PTPRQ: variants seen among roughly 807,000 people sequenced by gnomAD.
The protein encoded by PTPRQ is phosphatidylinositol phosphatase PTPRQ.
PTPRQ carries 199 observed loss-of-function variants against 246.0 expected under a neutral mutation model. The observed-to-expected ratio is 0.81, with a 90% CI of 0.72 to 0.91. PTPRQ has a LOEUF of 0.91. Among genes scored for constraint, PTPRQ ranks in the 40% least tolerant of loss-of-function variants. The pLI, the probability that PTPRQ is intolerant of heterozygous loss-of-function variation, is 0.00. For synonymous variants in PTPRQ, 869 were observed against 853.2 expected (o/e 1.02, Z -0.32); for missense variants, 2,624 against 2,528.4 (o/e 1.04, Z -0.81).
intron 17 of PTPRQ, among the ~76,000 whole-genome samples, chr12:80,522,359 TCTC>T (rs1264691529): frequency 6.6e-6 from 1 of 152,132 alleles, no homozygotes; most frequent in Non-Finnish European, 1.5e-5. Flanking sequence ...TTTATTTCCT[TCTC>T]CTGCCTAATC....
In PTPRQ at chr12:80,678,983, T is replaced by C. The variant is rs1463524431; in HGVS notation, c.6863-3T>C. ...TCTTGTAACATGTTACTTTCTGTTA[T>C]AGGTGATGTTGAGCTTGAATGGGAA... On this transcript the variant is annotated splice_region_variant and splice_polypyrimidine_tract_variant and intron_variant, in intron 44 of 44. Coordinates refer to ENST00000644991, the MANE Select transcript of PTPRQ (RefSeq NM_001145026.2). 6 of 1,545,650 alleles carry C rather than the reference T, an allele frequency of 3.9e-6. No individual in the cohort carries two copies. Among genetic ancestry groups the C allele is most frequent in the Admixed American group, 2.0e-5 (1 of 50,070 alleles).
intron 25 of PTPRQ, among the ~76,000 whole-genome samples, chr12:80,580,652 C>T (rs957062078): frequency 2.0e-5 from 3 of 152,146 alleles, no homozygotes; most frequent in Non-Finnish European, 4.4e-5. Flanking sequence ...CAAGTTATAC[C>T]ATATATTTCA....
intron 14 of PTPRQ, among the ~76,000 whole-genome samples, chr12:80,497,456 A>G (rs1894665491): frequency 6.6e-6 from 1 of 152,084 alleles, no homozygotes; most frequent in South Asian, 2.1e-4. Flanking sequence ...CTGTAAATAC[A>G]GAAGCTTTAT....
chr12:80,588,464 C>T lies in PTPRQ; in HGVS notation c.4609+12C>T. 6.8e-7 allele frequency: 1 copy of T among 1,467,328 alleles called. No individual in the cohort carries two copies. Among genetic ancestry groups the T allele is most frequent in the Admixed American group, 2.6e-5 (1 of 38,146 alleles). 90.9% of individuals were successfully genotyped at this position (1,467,328 alleles called of 1,614,324 possible). On this transcript the variant is annotated intron_variant, in intron 26 of 44. Transcript: ENST00000644991. ...AACTCTGCCTGGCCGTGAGTATTGT[C>T]CTGACATGTACATACTGATTTCTGT... is the stretch of plus-strand genomic sequence containing the variant.
chr12:80,489,991 A>AAGTCTTGTGCC lies in PTPRQ; in HGVS notation c.1360-3283_1360-3282insGTCTTGTGCCA, dbSNP rs1565741447. Among the ~76,000 whole-genome samples the AAGTCTTGTGCC allele has an allele frequency of 2.6e-5, 4 of 151,824 alleles. No individual in the cohort carries two copies. The East Asian group carries it at 5.8e-4, about 22-fold the overall frequency. ...GTTTGTCACTGGTGAATGTAAGAAG[A>AAGTCTTGTGCC]AAGTCTTGTGCTAAGGGCTTGGCTG... On this transcript the variant is annotated intron_variant, in intron 9 of 44. Transcript: ENST00000644991.
intron 25 of PTPRQ, among the ~76,000 whole-genome samples, chr12:80,557,001 GAACTTGTGCTA>G (rs1205463317): frequency 6.6e-6 from 1 of 152,100 alleles, no homozygotes; most frequent in African/African-American, 2.4e-5. Flanking sequence ...AGAAAATCAG[GAACTTGTGCTA>G]AATTTAGAGA....
chr12:80,505,895 A>G lies in PTPRQ; in HGVS notation c.2273-129A>G, dbSNP rs1422707873. On this transcript the variant is annotated intron_variant, in intron 14 of 44. Coordinates refer to ENST00000644991, the MANE Select transcript of PTPRQ (RefSeq NM_001145026.2). ...TTATTTATACTTTACTTCATTCAGG[A>G]TATTTATTACGATTACATTCTAGTG... The G allele has an allele frequency of 3.7e-6, 4 of 1,085,518 alleles. No individual in the cohort carries two copies. The East Asian group carries it at 8.6e-5, about 23-fold the overall frequency. 67.2% of individuals were successfully genotyped at this position (1,085,518 alleles called of 1,614,324 possible).
intron 26 of PTPRQ, among the ~76,000 whole-genome samples, chr12:80,597,208 A>G (rs1897998154): frequency 6.6e-6 from 1 of 151,942 alleles, no homozygotes; most frequent in Non-Finnish European, 1.5e-5. Flanking sequence ...ATGATATCCT[A>G]GATATTTTTT....
intron 25 of PTPRQ, among the ~76,000 whole-genome samples, chr12:80,564,019 T>C (rs1896907682): frequency 6.6e-6 from 1 of 152,098 alleles, no homozygotes; most frequent in East Asian, 1.9e-4. Flanking sequence ...CTTGCTAGAC[T>C]GCACTGTTTT....
intron 39 of PTPRQ, among the ~76,000 whole-genome samples, chr12:80,661,670 AT>A (rs1017417488): frequency 2.4e-4 from 37 of 151,346 alleles, no homozygotes; most frequent in African/African-American, 8.5e-4. Context: ...CACATTTTAC[AT>A]TTTTTTTCCC....
chr12:80,574,817 T>A (rs1198381387), intron 25 of PTPRQ, among the ~76,000 whole-genome samples: 1 of 152,126 alleles, frequency 6.6e-6, no homozygotes, highest in Non-Finnish European at 1.5e-5. Context: ...GCACACTCGG[T>A]TTTTCAGCTG....
chr12:80,514,402 A>ACAAACACACACACACTCTCT (rs552667526), intron 17 of PTPRQ, among the ~76,000 whole-genome samples: 1 of 112,980 alleles, frequency 8.9e-6, no homozygotes, highest in Non-Finnish European at 1.8e-5. Context: ...ACACACACAC[A>ACAAACACACACACACTCTCT]CTCTCTCTCT....
At chr12:80,496,667 T>G in intron 14 of PTPRQ, 136 bp downstream of exon 14, 1 of 1,151,870 alleles carries the variant, frequency 8.7e-7, no homozygotes, top group Non-Finnish European at 1.2e-6. Flanking sequence ...AGAAATTAAT[T>G]TTCTTTTTCA....
chr12:80,454,472 T>G, intron 3 of PTPRQ: 2 of 700,650 alleles, frequency 2.9e-6, no homozygotes, highest in Non-Finnish European at 5.2e-6. Context: ...TTTCTCTTGC[T>G]TGATCGCTCT....
chr12:80,619,281 C>T, intron 30 of PTPRQ, 103 bp from the exon 31 acceptor site: 1 of 1,295,766 alleles, frequency 7.7e-7, no homozygotes, highest in South Asian at 1.6e-5. Context: ...TTATGTTTGT[C>T]ATCACTTTAT....
chr12:80,555,906 T>G (rs1242852301), intron 25 of PTPRQ, among the ~76,000 whole-genome samples: 1 of 152,182 alleles, frequency 6.6e-6, no homozygotes, highest in Non-Finnish European at 1.5e-5. Context: ...CAAGTTTGAG[T>G]GCCAGGTGGC....
chr12:80,509,796 C>G (rs900168444), intron 16 of PTPRQ, among the ~76,000 whole-genome samples: 1 of 151,992 alleles, frequency 6.6e-6, no homozygotes, highest in Non-Finnish European at 1.5e-5. Context: ...ACTGAGTGAA[C>G]AGAGTTTGAT....
At chr12:80,532,628 A>T (rs1475892995) in intron 17 of PTPRQ, among the ~76,000 whole-genome samples, 1 of 152,178 alleles carries the variant, frequency 6.6e-6, no homozygotes, top group Non-Finnish European at 1.5e-5. Context: ...ATGAAAAGGC[A>T]TCTTTTCTGG....
chr12:80,456,758 T>C (rs906006853), intron 3 of PTPRQ, among the ~76,000 whole-genome samples: 2 of 152,180 alleles, frequency 1.3e-5, no homozygotes, highest in African/African-American at 4.8e-5. Context: ...GCATGATACA[T>C]TTGATGTCTT....
Sources: gnomAD v4.1 joint callset for allele counts (sites outside exome capture counted in the v4.1 genomes callset) on GRCh38, gnomAD v4.1.1 for gene constraint, MANE v1.5 for transcripts, NCBI Gene and HGNC (gene_info 2026-07-23, HGNC 2026-07-21) for gene names.